MGAT4C: variants seen among roughly 807,000 people sequenced by gnomAD.
MGAT4C encodes alpha-1,3-mannosyl-glycoprotein 4-beta-N-acetylglucosaminyltransferase C.
A neutral mutation model predicts 40.1 loss-of-function variants in MGAT4C; 19 were observed. The ratio of observed to expected loss-of-function variants is 0.47; its 90% CI spans 0.33 to 0.70. The LOEUF (loss-of-function observed/expected upper bound fraction) is 0.70. Among genes scored for constraint, MGAT4C ranks in the 30% least tolerant of loss-of-function variants. The pLI, the probability that MGAT4C is intolerant of heterozygous loss-of-function variation, is 0.02. For missense variants in MGAT4C, 491 were observed against 563.2 expected (o/e 0.87, Z 1.30); for synonymous variants, 181 against 187.1 (o/e 0.97, Z 0.27).
rs565658638 is a variant in MGAT4C at position 86,126,033 on chromosome 12, T to A, written c.-56-76310A>T. Among the ~76,000 whole-genome samples, 9 of 152,092 alleles carry A rather than the reference T, an allele frequency of 5.9e-5. 1 individual carries two copies. In the South Asian group the frequency reaches 1.7e-3, roughly 28 times the overall value. On this transcript the variant is annotated intron_variant, in intron 1 of 4. Transcript: ENST00000611864. Reference sequence around the variant, plus strand: ...CAAGATTGAATCTACTAGTTATTAGTATACAGGAATCAGTTAAAATTACCT... The same window carrying A: ...CAAGATTGAATCTACTAGTTATTAGAATACAGGAATCAGTTAAAATTACCT...
intron 1 of MGAT4C, among the ~76,000 whole-genome samples, chr12:86,206,617 CCTTTT>C (rs1950264891): frequency 6.6e-6 from 1 of 151,940 alleles, no homozygotes; most frequent in Admixed American, 6.6e-5. Flanking sequence ...TTGCTCTTTT[CCTTTT>C]ATTTCTCCAC....
At chr12:86,765,410 G>A (rs1037194170) in intron 1 of MGAT4C, among the ~76,000 whole-genome samples, 8 of 152,264 alleles carry the variant, frequency 5.3e-5, no homozygotes, top group South Asian at 2.1e-4. Context: ...TGAAAGTGAC[G>A]GGTAGAATGG....
chr12:85,980,916 A>G (rs1349243495), intron 4 of MGAT4C, among the ~76,000 whole-genome samples: 1 of 152,144 alleles, frequency 6.6e-6, no homozygotes, highest in African/African-American at 2.4e-5. Context: ...AAGGGTAAGT[A>G]AGTCTTTCAA....
chr12:86,764,756 G>T (rs1226992294), intron 1 of MGAT4C, among the ~76,000 whole-genome samples: 1 of 152,088 alleles, frequency 6.6e-6, no homozygotes, highest in African/African-American at 2.4e-5. Flanking sequence ...AGGCAAACAG[G>T]GTCTGGAGTG....
chr12:86,819,145 G>A (rs1952658506), intron 1 of MGAT4C, among the ~76,000 whole-genome samples: 1 of 150,898 alleles, frequency 6.6e-6, no homozygotes, highest in African/African-American at 2.4e-5. Flanking sequence ...CCACATGGCA[G>A]CCATTGAAAT....
At chr12:86,225,370 G>A (rs1209909272) in intron 1 of MGAT4C, among the ~76,000 whole-genome samples, 14 of 152,064 alleles carry the variant, frequency 9.2e-5, no homozygotes, top group African/African-American at 3.1e-4. Flanking sequence ...GTCAAACAAA[G>A]AGAAACTAAT....
chr12:86,087,853 A>G (rs1872167328), intron 1 of MGAT4C, among the ~76,000 whole-genome samples: 2 of 151,892 alleles, frequency 1.3e-5, no homozygotes, highest in African/African-American at 4.8e-5. Context: ...TAACAACGAT[A>G]CTCTTCACAA....
At chr12:86,383,932 T>G (rs890079647) in intron 3 of MGAT4C, among the ~76,000 whole-genome samples, 7 of 152,192 alleles carry the variant, frequency 4.6e-5, no homozygotes, top group Non-Finnish European at 8.8e-5. Flanking sequence ...GATCTTATCT[T>G]GAATTCCCAT....
At chr12:86,372,838 T>C (rs556045369) in intron 3 of MGAT4C, among the ~76,000 whole-genome samples, 74 of 151,930 alleles carry the variant, frequency 4.9e-4, no homozygotes, top group African/African-American at 1.7e-3. Context: ...ACTAGATTTG[T>C]CACACCCAAA....
chr12:86,386,723 ATAT>A (rs1956059015), intron 3 of MGAT4C, among the ~76,000 whole-genome samples: 1 of 152,236 alleles, frequency 6.6e-6, no homozygotes. Flanking sequence ...ATAGAAAAAA[ATAT>A]TATGGAATAA....
intron 1 of MGAT4C, among the ~76,000 whole-genome samples, chr12:86,210,724 C>A (rs1332500245): frequency 1.3e-5 from 2 of 152,172 alleles, no homozygotes; most frequent in African/African-American, 4.8e-5. Context: ...GAATTAATAT[C>A]AACTCCATGA....
In MGAT4C at chr12:86,819,638, A is replaced by C. The variant is rs140042217; in HGVS notation, c.-262+19028T>G. Among the ~76,000 whole-genome samples the C allele has an allele frequency of 4.2e-4, 64 of 151,058 alleles. 1 individual carries two copies. Among genetic ancestry groups the C allele is most frequent in the Admixed American group, 1.3e-3 (20 of 15,100 alleles). ...TTTAAAACTTTTATTTTGCCAAATA[A>C]TATGTACATTTCTGAAACAATGTAC... On this transcript the variant is annotated intron_variant, in intron 1 of 7. Coordinates refer to the MGAT4C transcript ENST00000548651.
chr12:86,830,704 A>G (rs1952906860), intron 1 of MGAT4C, among the ~76,000 whole-genome samples: 1 of 140,844 alleles, frequency 7.1e-6, no homozygotes, highest in Admixed American at 7.7e-5. Flanking sequence ...ATATTACAAG[A>G]TGGCTCCTAA....
intron 2 of MGAT4C, among the ~76,000 whole-genome samples, chr12:86,657,965 T>C (rs1963891034): frequency 6.6e-6 from 1 of 151,990 alleles, no homozygotes; most frequent in African/African-American, 2.4e-5. Flanking sequence ...ATAAAGAACA[T>C]AGCCTACTTT....
At chr12:86,659,422 A>T (rs1287126550) in intron 2 of MGAT4C, among the ~76,000 whole-genome samples, 2 of 152,110 alleles carry the variant, frequency 1.3e-5, no homozygotes, top group African/African-American at 4.8e-5. Flanking sequence ...AAAAGAAATG[A>T]ATCAAAATGG....
At chr12:86,497,327 C>G (rs975671244) in intron 2 of MGAT4C, among the ~76,000 whole-genome samples, 3 of 151,880 alleles carry the variant, frequency 2.0e-5, no homozygotes, top group Non-Finnish European at 4.4e-5. Flanking sequence ...AAAGTTAAAG[C>G]AGCGTTTTTG....
intron 2 of MGAT4C, among the ~76,000 whole-genome samples, chr12:86,663,087 G>A (rs936741197): frequency 6.6e-6 from 1 of 152,028 alleles, no homozygotes; most frequent in African/African-American, 2.4e-5. Context: ...TAAGGGCCAG[G>A]AACTGTGGCT....
chr12:86,563,609 T>A (rs1348178104), intron 2 of MGAT4C, among the ~76,000 whole-genome samples: 2 of 152,194 alleles, frequency 1.3e-5, no homozygotes, highest in Non-Finnish European at 2.9e-5. Flanking sequence ...GAAAAGTTAT[T>A]CTGTTAATCT....
chr12:86,453,599 T>A (rs1957461889), intron 2 of MGAT4C, among the ~76,000 whole-genome samples: 1 of 152,098 alleles, frequency 6.6e-6, no homozygotes, highest in Non-Finnish European at 1.5e-5. Flanking sequence ...AGAACTTGAC[T>A]CTCTCAATCT....
Sources: gnomAD v4.1 joint callset for allele counts (sites outside exome capture counted in the v4.1 genomes callset) on GRCh38, gnomAD v4.1.1 for gene constraint, MANE v1.5 for transcripts, NCBI Gene and HGNC (gene_info 2026-07-23, HGNC 2026-07-21) for gene names.